Variants in CSMD1 observed in about 807,000 individuals in gnomAD.
CSMD1 encodes the protein CUB and sushi domain-containing protein 1.
Under a neutral mutation model 417.5 loss-of-function variants are expected in CSMD1, and 213 were observed. That is an observed-to-expected ratio of 0.51 (90% CI 0.46 to 0.57). CSMD1 has a LOEUF of 0.57. Ranked by LOEUF, CSMD1 falls within the 20% of genes least tolerant of loss-of-function variation. The pLI is 0.00. For synonymous variants in CSMD1, 2,862 were observed against 1,736.8 expected (o/e 1.65, Z -16.11); for missense variants, 6,923 against 4,529.7 (o/e 1.53, Z -15.17).
intron 3 of CSMD1, among the ~76,000 whole-genome samples, chr8:4,190,709 T>C (rs1350523017): frequency 3.9e-5 from 6 of 152,166 alleles, no homozygotes; most frequent in Non-Finnish European, 5.9e-5. Flanking sequence ...ACAAACATTT[T>C]ACAGAAAATC....
intron 3 of CSMD1, among the ~76,000 whole-genome samples, chr8:4,313,665 G>C (rs950132953): frequency 6.6e-5 from 10 of 151,962 alleles, no homozygotes; most frequent in Non-Finnish European, 1.2e-4. Flanking sequence ...CTTTAGAGAG[G>C]GAAACCAGGA....
At chr8:4,013,210 A>G (rs1796362682) in intron 4 of CSMD1, among the ~76,000 whole-genome samples, 2 of 152,046 alleles carry the variant, frequency 1.3e-5, no homozygotes, top group African/African-American at 4.8e-5. Context: ...ATCCTCTGGG[A>G]TCCTCCGGGA....
At chr8:3,528,105 A>T (rs937054926) in intron 10 of CSMD1, among the ~76,000 whole-genome samples, 3 of 152,232 alleles carry the variant, frequency 2.0e-5, no homozygotes, top group Non-Finnish European at 4.4e-5. Context: ...GGAAATGAGG[A>T]ATACTGGAAA....
intron 37 of CSMD1, among the ~76,000 whole-genome samples, chr8:3,179,612 C>G (rs889778751): frequency 2.6e-5 from 4 of 152,276 alleles, no homozygotes; most frequent in Admixed American, 1.3e-4. Flanking sequence ...TCACTAGCCC[C>G]TCTTTCCAAG....
intron 7 of CSMD1, among the ~76,000 whole-genome samples, chr8:3,659,773 T>A (rs1447536738): frequency 6.6e-6 from 1 of 152,168 alleles, no homozygotes; most frequent in Non-Finnish European, 1.5e-5. Context: ...GTAAAGATCT[T>A]GAATTCCCAA....
intron 3 of CSMD1, among the ~76,000 whole-genome samples, chr8:4,171,628 A>T (rs1316377424): frequency 6.6e-6 from 1 of 151,836 alleles, no homozygotes; most frequent in East Asian, 1.9e-4. Context: ...TCACTAAGCC[A>T]AATCCCAAAC....
intron 25 of CSMD1, among the ~76,000 whole-genome samples, chr8:3,305,125 C>A (rs1460937343): frequency 6.6e-6 from 1 of 152,142 alleles, no homozygotes; most frequent in Non-Finnish European, 1.5e-5. Context: ...AAGACATCCT[C>A]TTGCTTCATC....
At chr8:3,172,330 GT>G in intron 37 of CSMD1, among the ~76,000 whole-genome samples, 1 of 151,986 alleles carries the variant, frequency 6.6e-6, no homozygotes, top group South Asian at 2.1e-4. Context: ...TGGCTACAGC[GT>G]TTTTTTCCTA....
chr8:3,685,048 G>A (rs1405925340), intron 7 of CSMD1, among the ~76,000 whole-genome samples: 3 of 152,060 alleles, frequency 2.0e-5, no homozygotes, highest in Admixed American at 6.6e-5. Flanking sequence ...TCCAAGCCCA[G>A]TTTTTGAAAT....
In CSMD1 at chr8:3,547,896, C is replaced by G. The variant is rs6558789; in HGVS notation, c.1344+27049G>C. 4.6e-5 allele frequency among the ~76,000 whole-genome samples: 7 copies of G among 152,018 alleles called. No individual in the cohort carries two copies. The South Asian group carries it at 1.5e-3, about 32-fold the overall frequency. On this transcript the variant is annotated intron_variant, in intron 10 of 69. Transcript: ENST00000635120. ...TGTCATTTTAAGAATAAGAAGTACT[C>G]CTAAAATTACTACATGCACCATGCC...
chr8:3,991,916 C>A (rs865835249), intron 5 of CSMD1, among the ~76,000 whole-genome samples: 1 of 152,008 alleles, frequency 6.6e-6, no homozygotes, highest in Non-Finnish European at 1.5e-5. Flanking sequence ...GCAGTAGCAA[C>A]TATTGTTTAT....
rs75042663 is a variant in CSMD1, at chr8:3,815,250, A to G, written c.819-61208T>C. On this transcript the variant is annotated intron_variant, in intron 5 of 69. Coordinates refer to ENST00000635120, the MANE Select transcript of CSMD1 (RefSeq NM_033225.6). The stretch of plus-strand genomic sequence containing the variant: ...CATAGAGTACCCATATGATTTGGGT[A>G]AAGTGTCTGAGGATGTGTCATTGAT... Among the ~76,000 whole-genome samples, 775 of 152,284 alleles carry G rather than the reference A, an allele frequency of 5.1e-3. 7 individuals are homozygous for G. Among genetic ancestry groups the G allele is most frequent in the African/African-American group, 0.017 (725 of 41,570 alleles).
intron 5 of CSMD1, among the ~76,000 whole-genome samples, chr8:3,839,450 A>ATATAATATATTATATAT (rs1186736035): frequency 1.7e-5 from 2 of 119,122 alleles, no homozygotes; most frequent in African/African-American, 6.9e-5. Context: ...ATATATTATA[A>ATATAATATATTATATAT]TATAATATAT....
At chr8:4,244,206 C>A (rs747588499) in intron 3 of CSMD1, among the ~76,000 whole-genome samples, 1 of 152,124 alleles carries the variant, frequency 6.6e-6, no homozygotes, top group Non-Finnish European at 1.5e-5. Context: ...CTGAGCTAGA[C>A]CAAGCAGCAG....
intron 5 of CSMD1, among the ~76,000 whole-genome samples, chr8:3,958,977 G>C (rs1350935807): frequency 3.9e-5 from 6 of 152,152 alleles, no homozygotes; most frequent in South Asian, 4.1e-4. Flanking sequence ...TGAGCTCCCG[G>C]TCTGGGCCTT....
rs113723851 is a variant in CSMD1, at chr8:3,377,356, T to C, written c.2783-7986A>G. On this transcript the variant is annotated intron_variant, in intron 18 of 69. Transcript: ENST00000635120. ...CAAATTCTTTATACTGAGAAACATG[T>C]TCCAGTGCTGCAAATTACAGTCATG... Among the ~76,000 whole-genome samples the C allele has an allele frequency of 4.3e-3, 659 of 152,282 alleles. 7 individuals carry two copies. The highest frequency in any genetic ancestry group is 0.015 in the African/African-American group (607 of 41,552).
At chr8:4,263,010 G>A (rs554454879) in intron 3 of CSMD1, among the ~76,000 whole-genome samples, 2 of 152,134 alleles carry the variant, frequency 1.3e-5, no homozygotes, top group African/African-American at 4.8e-5. Context: ...CACTAATTCT[G>A]TCTTGGCCAA....
At chr8:4,546,714 A>T (rs73498634) in intron 2 of CSMD1, among the ~76,000 whole-genome samples, 169 of 152,284 alleles carry the variant, frequency 1.1e-3, no homozygotes, top group African/African-American at 3.9e-3. Flanking sequence ...CCGCCTTCAT[A>T]ATCATAGCTA....
intron 3 of CSMD1, among the ~76,000 whole-genome samples, chr8:4,149,829 T>A (rs1796474987): frequency 6.6e-6 from 1 of 152,222 alleles, no homozygotes; most frequent in Non-Finnish European, 1.5e-5. Context: ...CCACTTTAAT[T>A]GGTTCATTCT....
Sources: gnomAD v4.1 joint callset for allele counts (sites outside exome capture counted in the v4.1 genomes callset) on GRCh38, gnomAD v4.1.1 for gene constraint, MANE v1.5 for transcripts, NCBI Gene and HGNC (gene_info 2026-07-23, HGNC 2026-07-21) for gene names.